Variants in CFLAR observed in about 807,000 individuals in gnomAD.
CFLAR encodes CASP8 and FADD like apoptosis regulator.
Under a neutral mutation model 51.1 loss-of-function variants are expected in CFLAR, and 14 were observed. That is an observed-to-expected ratio of 0.27 (90% CI 0.18 to 0.43). The LOEUF (loss-of-function observed/expected upper bound fraction) is 0.43, where lower values mean the gene tolerates loss of function less well. CFLAR is among the 20% of genes least tolerant of loss of function. The probability of loss-of-function intolerance (pLI) is 1.00; values close to 1 mark genes in which losing one functional copy is unlikely to be tolerated. For synonymous variants in CFLAR, 210 were observed against 211.6 expected, an observed-to-expected ratio of 0.99 and a Z score of 0.06; for missense variants, 390 against 566.5, an observed-to-expected ratio of 0.69 and a Z score of 3.16.
In CFLAR at chr2:201,138,017, G is replaced by T; in HGVS notation, c.523+1910G>T. 1.4e-6 allele frequency: 1 copy of T among 732,300 alleles called. No individual in the cohort carries two copies. The highest frequency in any genetic ancestry group is 2.5e-6 in the Non-Finnish European group (1 of 394,712). The allele number at this position is 732,300 out of a possible 1,614,324, so 45.4% of individuals were successfully genotyped here. ...AGTTCTGGGTATGCTTGGCCACCTT[G>T]TACACAGCAGTGCCCTGGGGCTGAC... On this transcript the variant is annotated intron_variant, in intron 4 of 9. Transcript: ENST00000309955. This position sits in a 1 kb window ranked among gnomAD's most constrained non-coding sequence, Gnocchi z 4.0.
intron 4 of CFLAR, chr2:201,137,952 A>C (rs965187294): frequency 1.3e-5 from 10 of 756,610 alleles, no homozygotes; most frequent in Middle Eastern, 3.6e-4. Flanking sequence ...CACATGCCCC[A>C]TGGTCTGGAT....
At chr2:201,132,768 C>T (rs2049500131) in intron 2 of CFLAR, 2 of 350,632 alleles carry the variant, frequency 5.7e-6, no homozygotes, top group Admixed American at 4.5e-5. Context: ...TTTCCATTCT[C>T]TGAGTTGTTT....
At chr2:201,130,753 G>T (rs548953972) in intron 2 of CFLAR, among the ~76,000 whole-genome samples, 2 of 152,306 alleles carry the variant, frequency 1.3e-5, no homozygotes, top group South Asian at 4.1e-4. Flanking sequence ...ATGACAAGAC[G>T]TGAAGAAAGA....
rs2050444953 is a variant in CFLAR, at chr2:201,138,423, T to C, written c.524-1934T>C. 15 of 803,408 alleles carry C rather than the reference T, an allele frequency of 1.9e-5. No homozygotes were observed. The highest frequency in any genetic ancestry group is 1.9e-4 in the South Asian group (14 of 75,118). 49.8% of individuals were successfully genotyped at this position (803,408 alleles called of 1,614,324 possible). Reference sequence around the variant, plus strand: ...ATGGCCACCAGCTCATCGCGATCATTGACGATAGGCAGCTTCCTTTCTTAC... The same window carrying C: ...ATGGCCACCAGCTCATCGCGATCATCGACGATAGGCAGCTTCCTTTCTTAC... On this transcript the variant is annotated intron_variant, in intron 4 of 9. Transcript: ENST00000309955. The surrounding 1 kb of genome is among the most constrained non-coding windows in gnomAD (Gnocchi z 4.0).
chr2:201,140,503 T>G (rs752796658), intron 5 of CFLAR, 64 bp downstream of exon 5: 1 of 1,223,766 alleles, frequency 8.2e-7, no homozygotes, highest in South Asian at 1.4e-5. Context: ...AATAAAAATA[T>G]GCATATTCTC....
At chr2:201,161,425 T>G (rs1942992675) in intron 9 of CFLAR, among the ~76,000 whole-genome samples, 1 of 151,406 alleles carries the variant, frequency 6.6e-6, no homozygotes, top group African/African-American at 2.4e-5. Flanking sequence ...TATTTATTTT[T>G]TTTTTTGAGA....
At chr2:201,136,690 T>G in intron 4 of CFLAR, 1 of 829,496 alleles carries the variant, frequency 1.2e-6, no homozygotes, top group Admixed American at 3.0e-5. Flanking sequence ...CATCACAGCC[T>G]AAAGGGCATG....
intron 5 of CFLAR, chr2:201,143,607 C>T (rs1939456808): frequency 6.6e-6 from 1 of 152,106 alleles, no homozygotes; most frequent in Admixed American, 6.6e-5. Flanking sequence ...TATGAGGCTG[C>T]AGAAGTGCTT....
At chr2:201,152,590 A>G in intron 8 of CFLAR, among the ~76,000 whole-genome samples, 1 of 152,192 alleles carries the variant, frequency 6.6e-6, no homozygotes, top group Admixed American at 6.5e-5. Context: ...ATAGAGTCTG[A>G]TCTCAGACAA....
At position 201,149,974 on chromosome 2, in the gene CFLAR, G is replaced by A. The variant is rs550801644; in HGVS notation, c.793+139G>A. 8 of 627,192 alleles carry A rather than the reference G, an allele frequency of 1.3e-5. No homozygotes were observed. The East Asian group carries it at 1.5e-4, about 12-fold the overall frequency. The allele number at this position is 627,192 out of a possible 1,614,324, so 38.9% of individuals were successfully genotyped here. On this transcript the variant is annotated intron_variant, in intron 8 of 9. Coordinates refer to ENST00000309955, the MANE Select transcript of CFLAR (RefSeq NM_003879.7). ...TCTGTGCTTCATCCTGGGTGCGGTG[G>A]CTCATGCCTGGAATTCCAGCACTTT...
At chr2:201,149,724 GTCTTTAGC>G in intron 7 of CFLAR, 22 bp from the exon 8 acceptor site, 2 of 1,543,616 alleles carry the variant, frequency 1.3e-6, no homozygotes, top group Non-Finnish European at 1.8e-6. Flanking sequence ...AATATCCAGA[GTCTTTAGC>G]ATTTCTTGTC....
chr2:201,145,157 T>G (rs542272756), intron 5 of CFLAR, among the ~76,000 whole-genome samples: 1 of 152,320 alleles, frequency 6.6e-6, no homozygotes, highest in East Asian at 1.9e-4. Flanking sequence ...CCGGCCTATT[T>G]TCATCTTTTA....
At position 201,170,746 on chromosome 2, in the gene CFLAR, CATA is replaced by C. The variant is rs1486562457; in HGVS notation, c.*6776_*6778del. The C allele has an allele frequency of 6.6e-6, 1 of 152,192 alleles. No homozygotes were observed. Among genetic ancestry groups the C allele is most frequent in the Admixed American group, 6.5e-5 (1 of 15,280 alleles). The allele number at this position is 152,192 out of a possible 1,614,324, so 9.4% of individuals were successfully genotyped here. A position where few individuals can be genotyped will look rare whatever the true frequency, so the allele number is the denominator to read the frequency against. On this transcript the variant is annotated 3_prime_UTR_variant, in exon 10 of 10. Transcript: ENST00000309955. ...TGTATAGCTTTTACATGATTGGAAT[CATA>C]ATGCATATTCCATTTTGAAGTCTGC...
In CFLAR at chr2:201,171,694, AG is replaced by A. The variant is rs1944029263; in HGVS notation, c.*7722del. 1 of 146,408 alleles carries A rather than the reference AG, an allele frequency of 6.8e-6. No individual in the cohort carries two copies. Among genetic ancestry groups the A allele is most frequent in the African/African-American group, 2.5e-5 (1 of 39,242 alleles). The allele number at this position is 146,408 out of a possible 1,614,324, so 9.1% of individuals were successfully genotyped here. ...TTAGAGAATACAAAAAAAAAAAAAA[AG>A]ATTCTTCAATGCATACACAATAAAA... is the stretch of plus-strand genomic sequence containing the variant. On this transcript the variant is annotated 3_prime_UTR_variant, in exon 10 of 10. Coordinates refer to ENST00000309955, the MANE Select transcript of CFLAR (RefSeq NM_003879.7).
chr2:201,154,849 C>T (rs895511425), intron 8 of CFLAR, among the ~76,000 whole-genome samples: 4 of 152,200 alleles, frequency 2.6e-5, no homozygotes, highest in Non-Finnish European at 4.4e-5. Flanking sequence ...CATGCTTGGC[C>T]CTGTGTGAAG....
intron 6 of CFLAR, 187 bp from the exon 7 acceptor site, chr2:201,148,816 T>C (rs1041536129): frequency 4.7e-5 from 25 of 532,872 alleles, no homozygotes; most frequent in Non-Finnish European, 8.6e-5. Context: ...CTGGGACTTG[T>C]GTTTTCTTAT....
In CFLAR at chr2:201,140,759, G is replaced by GTATA. The variant is rs750211537; in HGVS notation, c.606+335_606+338dup. ...GGTTTGCATCTGTATCTGTATGTAT[G>GTATA]TATATATATATATATATACATACAT... On this transcript the variant is annotated intron_variant, in intron 5 of 9. Transcript: ENST00000309955. The GTATA allele has an allele frequency of 5.9e-3, 578 of 98,054 alleles. 3 individuals are homozygous for GTATA. The highest frequency in any genetic ancestry group is 0.031 in the African/African-American group (541 of 17,204). The allele number at this position is 98,054 out of a possible 1,614,324, so 6.1% of individuals were successfully genotyped here.
Position 201,129,757 on chromosome 2 carries a change from G to C in CFLAR, c.-109G>C. On this transcript the variant is annotated 5_prime_UTR_variant, in exon 2 of 10. Transcript: ENST00000309955. ...TCCCCCACTGGAAAGGATTCTGAAAGAAATGAAGTCAGCCCTCAGAAATGA... is the reference window on the plus strand; with the variant it reads ...TCCCCCACTGGAAAGGATTCTGAAACAAATGAAGTCAGCCCTCAGAAATGA... The C allele has an allele frequency of 1.9e-6, 2 of 1,038,778 alleles. No individual in the cohort carries two copies. Among genetic ancestry groups the C allele is most frequent in the African/African-American group, 3.2e-5 (2 of 62,688 alleles). 64.3% of individuals were successfully genotyped at this position (1,038,778 alleles called of 1,614,324 possible). A position where few individuals can be genotyped will look rare whatever the true frequency, so the allele number is the denominator to read the frequency against.
intron 6 of CFLAR, 186 bp from the exon 7 acceptor site, chr2:201,148,817 G>GT: frequency 1.9e-6 from 1 of 534,188 alleles, no homozygotes; most frequent in Non-Finnish European, 3.4e-6. Context: ...TGGGACTTGT[G>GT]TTTTCTTATG....
Sources: allele counts gnomAD v4.1 joint callset (sites outside exome capture counted in the v4.1 genomes callset), GRCh38; gene constraint gnomAD v4.1.1; non-coding constraint Gnocchi (gnomAD v3.1); transcripts MANE v1.5; gene names NCBI Gene and HGNC (gene_info 2026-07-23, HGNC 2026-07-21).